Variants in SAMD5 observed in about 807,000 individuals in gnomAD.
SAMD5 encodes sterile alpha motif domain-containing protein 5.
SAMD5 carries 13 observed loss-of-function variants against 11.3 expected under a neutral mutation model. The ratio of observed to expected loss-of-function variants is 1.15; its 90% CI spans 0.75 to 1.83. The LOEUF (loss-of-function observed/expected upper bound fraction) is 1.83, where lower values mean the gene tolerates loss of function less well. SAMD5 is among the 40% of genes most tolerant of loss of function. The pLI is 0.00. For synonymous variants in SAMD5, 129 were observed against 111.3 expected, an observed-to-expected ratio of 1.16 and a Z score of -1.00; for missense variants, 255 against 239.1, an observed-to-expected ratio of 1.07 and a Z score of -0.44.
At chr6:147,540,094 T>C (rs866517856) in intron 1 of SAMD5, among the ~76,000 whole-genome samples, 4 of 152,170 alleles carry the variant, frequency 2.6e-5, no homozygotes, top group Admixed American at 6.5e-5. Context: ...TTCTCTCTCT[T>C]TTTTTTCTTT....
chr6:147,692,981 C>G (rs575722223), intron 1 of SAMD5, among the ~76,000 whole-genome samples: 1 of 152,276 alleles, frequency 6.6e-6, no homozygotes, highest in Non-Finnish European at 1.5e-5. Flanking sequence ...AAACCCGTCA[C>G]CACTTACAAG....
At chr6:147,646,040 ATCT>A (rs2128452874) in intron 1 of SAMD5, among the ~76,000 whole-genome samples, 1 of 114,590 alleles carries the variant, frequency 8.7e-6, no homozygotes, top group South Asian at 2.5e-4. Context: ...CTATCTATCT[ATCT>A]ATCTATCTAT....
chr6:147,618,161 T>G (rs545909893), intron 1 of SAMD5, among the ~76,000 whole-genome samples: 1 of 152,324 alleles, frequency 6.6e-6, no homozygotes, highest in South Asian at 2.1e-4. Flanking sequence ...TGAAGTGAGT[T>G]CTTCAAACGT....
chr6:147,654,431 A>G (rs1038910770), intron 1 of SAMD5, among the ~76,000 whole-genome samples: 1 of 152,184 alleles, frequency 6.6e-6, no homozygotes, highest in Admixed American at 6.5e-5. Flanking sequence ...TTTGGAAGTG[A>G]AGAAGAGAAT....
At chr6:147,551,741 T>G (rs558113639) in intron 1 of SAMD5, among the ~76,000 whole-genome samples, 2 of 149,896 alleles carry the variant, frequency 1.3e-5, no homozygotes, top group South Asian at 4.2e-4. Flanking sequence ...TTATTCGATC[T>G]CAAACGAAAT....
At chr6:147,522,473 G>A (rs1477681972) in intron 1 of SAMD5, among the ~76,000 whole-genome samples, 1 of 151,974 alleles carries the variant, frequency 6.6e-6, no homozygotes, top group Non-Finnish European at 1.5e-5. Flanking sequence ...TTTTTAAACT[G>A]GGCCCAATAT....
At chr6:147,747,660 G>A in the SAMD5 span, among the ~76,000 whole-genome samples, 7 of 152,016 alleles carry the variant, frequency 4.6e-5, no homozygotes, top group East Asian at 3.9e-4. Context: ...ACAGGCACGC[G>A]CTACCACGCC....
At chr6:147,850,526 C>T in the SAMD5 span, among the ~76,000 whole-genome samples, 5 of 152,058 alleles carry the variant, frequency 3.3e-5, no homozygotes, top group Admixed American at 6.6e-5. Flanking sequence ...AGGCACTTTT[C>T]GCCTTAAGAA....
intron 1 of SAMD5, among the ~76,000 whole-genome samples, chr6:147,630,177 G>C (rs1189057738): frequency 6.6e-6 from 1 of 151,976 alleles, no homozygotes; most frequent in Non-Finnish European, 1.5e-5. Flanking sequence ...TTGAACTCCC[G>C]ACCTTAGGTG....
chr6:147,510,608 GCC>G (rs1788073839), intron 1 of SAMD5, among the ~76,000 whole-genome samples: 1 of 152,190 alleles, frequency 6.6e-6, no homozygotes, highest in South Asian at 2.1e-4. Context: ...AGGCTGTAAT[GCC>G]TGGAGTTAAG....
intron 1 of SAMD5, among the ~76,000 whole-genome samples, chr6:147,634,662 C>T (rs538501008): frequency 2.6e-5 from 4 of 152,254 alleles, no homozygotes; most frequent in African/African-American, 9.6e-5. Flanking sequence ...TAGAGTACAA[C>T]TATTTTGAAG....
chr6:147,832,671 G>C, the SAMD5 span, among the ~76,000 whole-genome samples: 333 of 152,164 alleles, frequency 2.2e-3, 1 homozygote, highest in African/African-American at 7.5e-3. Context: ...TTCATCTATT[G>C]CTTCGTTAAT....
chr6:147,929,308 A>C, the SAMD5 span, among the ~76,000 whole-genome samples: 22 of 152,292 alleles, frequency 1.4e-4, 1 homozygote, highest in African/African-American at 4.6e-4. Flanking sequence ...TTGAGTGGAC[A>C]CAGGGAAATA....
the SAMD5 span, among the ~76,000 whole-genome samples, chr6:147,777,849 TC>T: frequency 6.6e-6 from 1 of 152,214 alleles, no homozygotes; most frequent in Admixed American, 6.5e-5. Flanking sequence ...GAACTTCATT[TC>T]TTTTTATGGC....
At chr6:147,905,852 C>T in the SAMD5 span, among the ~76,000 whole-genome samples, 2 of 152,286 alleles carry the variant, frequency 1.3e-5, no homozygotes, top group Admixed American at 6.5e-5. Context: ...TCCTCTGAGG[C>T]TTGCCTTTTA....
At chr6:147,898,321 G>A in the SAMD5 span, among the ~76,000 whole-genome samples, 1 of 152,170 alleles carries the variant, frequency 6.6e-6, no homozygotes, top group Non-Finnish European at 1.5e-5. Flanking sequence ...GTTACTCAGT[G>A]AGCTACCAGT....
chr6:147,650,529 G>A (rs1790468993), intron 1 of SAMD5, among the ~76,000 whole-genome samples: 2 of 152,200 alleles, frequency 1.3e-5, no homozygotes, highest in Admixed American at 6.5e-5. Flanking sequence ...TGTAGAGATT[G>A]GGTTTCACCC....
At chr6:147,741,897 G>A (rs1199656852), downstream of SAMD5, 2 of 152,108 alleles carry the variant, frequency 1.3e-5, no homozygotes, top group African/African-American at 2.4e-5. Context: ...TGAATATATG[G>A]AAAAACATAT....
At chr6:147,632,710 A>G (rs1252506791) in intron 1 of SAMD5, among the ~76,000 whole-genome samples, 2 of 152,236 alleles carry the variant, frequency 1.3e-5, no homozygotes, top group African/African-American at 4.8e-5. Context: ...CTACTGAGTC[A>G]TAAATTTAAA....
Sources: gnomAD v4.1 joint callset for allele counts (sites outside exome capture counted in the v4.1 genomes callset) on GRCh38, gnomAD v4.1.1 for gene constraint, MANE v1.5 for transcripts, NCBI Gene and HGNC (gene_info 2026-07-23, HGNC 2026-07-21) for gene names.